The following MLF1 variants were observed in gnomAD, a reference collection of about 807,000 sequenced individuals.
MLF1 encodes myeloid leukemia factor 1.
MLF1 carries 37 observed loss-of-function variants against 38.3 expected under a neutral mutation model. That is an observed-to-expected ratio of 0.96 (90% CI 0.74 to 1.27). MLF1 has a LOEUF of 1.27. Among genes scored for constraint, MLF1 ranks in the 50% most tolerant of loss-of-function variants. The pLI is 0.00. For missense variants in MLF1, 331 were observed against 349.2 expected, an observed-to-expected ratio of 0.95 and a Z score of 0.42; for synonymous variants, 95 against 106.5, an observed-to-expected ratio of 0.89 and a Z score of 0.66.
chr3:158,590,012 A>G (rs551055661), intron 1 of MLF1, among the ~76,000 whole-genome samples: 264 of 152,326 alleles, frequency 1.7e-3, no homozygotes, highest in African/African-American at 5.9e-3. Flanking sequence ...CAAAATCCTT[A>G]TACACATTAG....
At chr3:158,591,017 C>T (rs1362301106) in intron 1 of MLF1, 1 of 435,152 alleles carries the variant, frequency 2.3e-6, no homozygotes, top group Non-Finnish European at 4.5e-6. Context: ...AATCTGAGCT[C>T]TTTTGGAATA....
chr3:158,588,099 A>G (rs1717523393), intron 1 of MLF1, among the ~76,000 whole-genome samples: 1 of 152,210 alleles, frequency 6.6e-6, no homozygotes, highest in African/African-American at 2.4e-5. Context: ...ACCATGATGT[A>G]AAGCAGCACT....
At chr3:158,577,549 T>C (rs1402786505) in intron 1 of MLF1, among the ~76,000 whole-genome samples, 1 of 152,240 alleles carries the variant, frequency 6.6e-6, no homozygotes, top group Admixed American at 6.5e-5. Flanking sequence ...AATTACCTAG[T>C]ATAATTGTTC....
In MLF1 at chr3:158,571,199, A is replaced by C. The variant is rs1714207081; in HGVS notation, c.-102A>C. The C allele has an allele frequency of 1.1e-6, 1 of 898,384 alleles. No individual in the cohort carries two copies. The highest frequency in any genetic ancestry group is 1.8e-6 in the Non-Finnish European group (1 of 562,622). The allele number at this position is 898,384 out of a possible 1,614,324, so 55.7% of individuals were successfully genotyped here. A position where few individuals can be genotyped will look rare whatever the true frequency, so the allele number is the denominator to read the frequency against. On this transcript the variant is annotated 5_prime_UTR_variant, in exon 1 of 8. Transcript: ENST00000466246. ...GGCACCGCCTGCGCCGCGGCGAGTG[A>C]GGCGTCGTCCGTACTGGAGGCTAGC...
chr3:158,592,289 T>C (rs1371728864), intron 1 of MLF1, 145 bp from the exon 2 acceptor site: 2 of 636,026 alleles, frequency 3.1e-6, no homozygotes, highest in African/African-American at 3.7e-5. Flanking sequence ...TTCTATTCTA[T>C]TTATGAATAA....
chr3:158,598,678 T>C (rs1719272701), intron 5 of MLF1, among the ~76,000 whole-genome samples: 1 of 152,192 alleles, frequency 6.6e-6, no homozygotes, highest in Non-Finnish European at 1.5e-5. Flanking sequence ...CATTTTTCTC[T>C]ATTTGCTTCA....
intron 1 of MLF1, among the ~76,000 whole-genome samples, chr3:158,585,050 A>G (rs971606176): frequency 1.3e-4 from 19 of 144,318 alleles, no homozygotes; most frequent in Admixed American, 2.8e-4. Flanking sequence ...AAAAAAAAAA[A>G]AAAAAGAAAA....
chr3:158,598,844 C>T (rs1018532335), intron 5 of MLF1, among the ~76,000 whole-genome samples: 1 of 152,066 alleles, frequency 6.6e-6, no homozygotes, highest in East Asian at 1.9e-4. Context: ...CATGTTTTTA[C>T]AATTTTATTA....
At chr3:158,600,206 T>A in intron 6 of MLF1, 33 bp downstream of exon 6, 1 of 1,326,220 alleles carries the variant, frequency 7.5e-7, no homozygotes. Flanking sequence ...TATTCTTTCT[T>A]ATAAATTTAA....
chr3:158,592,128 A>C (rs1046001935), intron 1 of MLF1, among the ~76,000 whole-genome samples: 1 of 152,190 alleles, frequency 6.6e-6, no homozygotes, highest in Non-Finnish European at 1.5e-5. Flanking sequence ...TGAATACTAT[A>C]CTGAAAGTGA....
At chr3:158,582,680 G>A (rs1381752860) in intron 1 of MLF1, 4 of 446,744 alleles carry the variant, frequency 9.0e-6, no homozygotes, top group African/African-American at 8.2e-5. Context: ...AGAAGAGAAT[G>A]GCATGAAATA....
At chr3:158,582,341 A>G (rs540930581) in intron 1 of MLF1, among the ~76,000 whole-genome samples, 9 of 152,294 alleles carry the variant, frequency 5.9e-5, no homozygotes, top group African/African-American at 2.2e-4. Context: ...AATATCCAAG[A>G]ACTGTGGCAA....
rs747166236 is a variant in MLF1, at chr3:158,602,961, G to T, written c.746+22G>T. ...GAAGGTAAAAGTTGTTTCTAAAATA[G>T]TTTGGTTTTTTAAGAAGAATTTGAA... On this transcript the variant is annotated intron_variant, in intron 7 of 7. Coordinates refer to ENST00000466246, the MANE Select transcript of MLF1 (RefSeq NM_001369783.1). 1.7e-5 allele frequency: 27 copies of T among 1,589,864 alleles called. No individual in the cohort carries two copies. In the Admixed American group the frequency reaches 4.9e-4, roughly 29 times the overall value.
rs780308303 is a variant in MLF1 at position 158,598,147 on chromosome 3, TAGG to T, written c.395_397del (p.Gly132del). On this transcript the variant is annotated inframe_deletion, in exon 5 of 8. Coordinates refer to ENST00000466246, the MANE Select transcript of MLF1 (RefSeq NM_001369783.1). ...TCCTCAGTTATGACTTATTCCAAAA[TAGG>T]AGATGAACCGCCAAAGGTTTTTCAG... The T allele has an allele frequency of 5.0e-6, 8 of 1,613,840 alleles. No homozygotes were observed. The highest frequency in any genetic ancestry group is 5.9e-6 in the Non-Finnish European group (7 of 1,179,904).
At chr3:158,589,032 T>G in intron 1 of MLF1, 1 of 391,048 alleles carries the variant, frequency 2.6e-6, no homozygotes, top group Non-Finnish European at 5.1e-6. Context: ...ACTTCAAGAC[T>G]GCAGGCATTG....
chr3:158,571,439 G>T, intron 1 of MLF1, 92 bp downstream of exon 1: 1 of 1,503,272 alleles, frequency 6.7e-7, no homozygotes, highest in Non-Finnish European at 9.2e-7. Flanking sequence ...TTTAGAGGGC[G>T]AGAGAGAATT....
rs1560115596 is a variant in MLF1 at position 158,605,226 on chromosome 3, AG to A, written c.*25del. 2.5e-6 allele frequency: 4 copies of A among 1,572,902 alleles called. No homozygotes were observed. The highest frequency in any genetic ancestry group is 3.5e-6 in the Non-Finnish European group (4 of 1,147,122). On this transcript the variant is annotated 3_prime_UTR_variant, in exon 8 of 8. Coordinates refer to ENST00000466246, the MANE Select transcript of MLF1 (RefSeq NM_001369783.1). ...AAATAGCCATGCATTTGATTTGTTT[AG>A]TTTTGATTGTTTTAACAGTTAGTAA...
rs538067119 is a variant in MLF1 at position 158,582,820 on chromosome 3, C to T, written c.48-9614C>T. 3.8e-4 allele frequency: 253 copies of T among 666,338 alleles called. 4 individuals are homozygous for T. The South Asian group carries it at 4.0e-3, about 11-fold the overall frequency. 41.3% of individuals were successfully genotyped at this position (666,338 alleles called of 1,614,324 possible). ...ATTTGGTGAATTTGTTGACAGTAGA[C>T]CTGCCTTGCAAGAAATGTTAAAAGA... On this transcript the variant is annotated intron_variant, in intron 1 of 7. Transcript: ENST00000466246.
At chr3:158,602,727 A>G in intron 6 of MLF1, 80 bp from the exon 7 acceptor site, 1 of 1,419,816 alleles carries the variant, frequency 7.0e-7, no homozygotes, top group South Asian at 1.3e-5. Flanking sequence ...ACCAGACTAG[A>G]CTGAAATATG....
Sources: allele counts gnomAD v4.1 joint callset (sites outside exome capture counted in the v4.1 genomes callset), GRCh38; gene constraint gnomAD v4.1.1; transcripts MANE v1.5; gene names NCBI Gene and HGNC (gene_info 2026-07-23, HGNC 2026-07-21).